The following GALNT13 variants were observed in gnomAD, a reference collection of about 807,000 sequenced individuals.
GALNT13 encodes the protein polypeptide N-acetylgalactosaminyltransferase 13.
A neutral mutation model predicts 64.2 loss-of-function variants in GALNT13; 28 were observed. The ratio of observed to expected loss-of-function variants is 0.44; its 90% confidence interval spans 0.32 to 0.60. The LOEUF (loss-of-function observed/expected upper bound fraction) is 0.60, where lower values mean the gene tolerates loss of function less well. Ranked by LOEUF, GALNT13 falls within the 20% of genes least tolerant of loss-of-function variation. The pLI, the probability that GALNT13 is intolerant of heterozygous loss-of-function variation, is 0.05. For synonymous variants in GALNT13, 214 were observed against 224.6 expected (o/e 0.95, Z 0.42); for missense variants, 577 against 669.8 (o/e 0.86, Z 1.53).
chr2:153,547,994 TC>T, the GALNT13 span, among the ~76,000 whole-genome samples: 1 of 152,214 alleles, frequency 6.6e-6, no homozygotes, highest in African/African-American at 2.4e-5. Flanking sequence ...GTAGTTGACA[TC>T]CAATAATTGC....
the GALNT13 span, among the ~76,000 whole-genome samples, chr2:153,205,417 T>G: frequency 1.8e-4 from 27 of 152,216 alleles, no homozygotes; most frequent in African/African-American, 6.3e-4. Context: ...TAAACCAAAG[T>G]TACAAAATCA....
At chr2:154,287,254 C>A in intron 8 of GALNT13, 6 of 895,282 alleles carry the variant, frequency 6.7e-6, no homozygotes, top group Non-Finnish European at 1.1e-5. Flanking sequence ...TCTTTGCCGA[C>A]GGCAACTCCA....
At chr2:153,072,238 C>T in the GALNT13 span, among the ~76,000 whole-genome samples, 6 of 152,080 alleles carry the variant, frequency 3.9e-5, no homozygotes. Context: ...GTGTAAGGGC[C>T]AAAATAACTC....
At chr2:153,409,637 G>A in the GALNT13 span, among the ~76,000 whole-genome samples, 1 of 151,976 alleles carries the variant, frequency 6.6e-6, no homozygotes, top group South Asian at 2.1e-4. Context: ...TAATCAGACA[G>A]CAAGAAGAAT....
the GALNT13 span, among the ~76,000 whole-genome samples, chr2:153,356,789 CT>C: frequency 3.3e-3 from 346 of 104,884 alleles, 59 homozygotes; most frequent in African/African-American, 0.011. Context: ...TCTTCTTCCT[CT>C]TTTTTTTTTT....
chr2:153,889,824 C>T (rs1252330708), intron 1 of GALNT13, among the ~76,000 whole-genome samples: 2 of 151,982 alleles, frequency 1.3e-5, no homozygotes, highest in African/African-American at 4.8e-5. Context: ...CAAGATCAGG[C>T]ACTTCCAATT....
At chr2:153,859,965 T>C in the GALNT13 span, among the ~76,000 whole-genome samples, 32 of 152,298 alleles carry the variant, frequency 2.1e-4, no homozygotes, top group Middle Eastern at 6.8e-3. Flanking sequence ...GGTTCCTCTT[T>C]TCATTGGTAC....
chr2:154,336,819 T>A (rs1002233956), intron 9 of GALNT13, among the ~76,000 whole-genome samples: 1 of 152,080 alleles, frequency 6.6e-6, no homozygotes, highest in Non-Finnish European at 1.5e-5. Context: ...AACTTAGCAC[T>A]CTCTCTGCAG....
At chr2:154,144,144 T>G (rs908259325) in intron 4 of GALNT13, among the ~76,000 whole-genome samples, 5 of 152,146 alleles carry the variant, frequency 3.3e-5, no homozygotes, top group Non-Finnish European at 5.9e-5. Context: ...AACTACAGTA[T>G]ATGTTATAAG....
At chr2:153,738,777 G>A in the GALNT13 span, among the ~76,000 whole-genome samples, 1 of 151,822 alleles carries the variant, frequency 6.6e-6, no homozygotes, top group Non-Finnish European at 1.5e-5. Flanking sequence ...TCCTATACAT[G>A]TTATAATAAA....
chr2:153,465,903 A>C, the GALNT13 span, among the ~76,000 whole-genome samples: 2 of 152,184 alleles, frequency 1.3e-5, no homozygotes, highest in East Asian at 3.9e-4. Context: ...TTGCTACTTC[A>C]GTAACGGCCA....
chr2:153,268,902 C>G, the GALNT13 span, among the ~76,000 whole-genome samples: 3 of 152,168 alleles, frequency 2.0e-5, no homozygotes, highest in African/African-American at 7.2e-5. Context: ...ACCCAAGGCA[C>G]CAGTCCTGAG....
chr2:153,142,567 GA>G, the GALNT13 span, among the ~76,000 whole-genome samples: 1 of 151,822 alleles, frequency 6.6e-6, no homozygotes, highest in Non-Finnish European at 1.5e-5. Context: ...CCCAATTTTA[GA>G]AAAATGAGAG....
At chr2:153,606,094 C>G in the GALNT13 span, among the ~76,000 whole-genome samples, 1 of 152,176 alleles carries the variant, frequency 6.6e-6, no homozygotes, top group Non-Finnish European at 1.5e-5. Flanking sequence ...GAATTTCATG[C>G]AAGAGCAGCA....
In GALNT13 at chr2:154,146,301, G is replaced by C. The variant is rs149176144; in HGVS notation, c.311+5796G>C. 5.0e-3 allele frequency among the ~76,000 whole-genome samples: 765 copies of C among 151,806 alleles called. 5 individuals are homozygous for C. Among genetic ancestry groups the C allele is most frequent in the African/African-American group, 0.018 (744 of 41,420 alleles). Reference sequence around the variant, plus strand: ...AAGAAAGTAGAGTAACACATGTCTAGGCATGTTCTCAGAGACACATTTAAG... The same window carrying C: ...AAGAAAGTAGAGTAACACATGTCTACGCATGTTCTCAGAGACACATTTAAG... On this transcript the variant is annotated intron_variant, in intron 4 of 12. Transcript: ENST00000392825.
At chr2:153,214,024 AAG>A in the GALNT13 span, among the ~76,000 whole-genome samples, 1 of 152,216 alleles carries the variant, frequency 6.6e-6, no homozygotes, top group Non-Finnish European at 1.5e-5. Flanking sequence ...GTTTTCTAGT[AAG>A]AGAAGGCCAC....
At chr2:154,229,752 G>A (rs1193171166) in intron 4 of GALNT13, among the ~76,000 whole-genome samples, 1 of 152,064 alleles carries the variant, frequency 6.6e-6, no homozygotes, top group Non-Finnish European at 1.5e-5. Context: ...AAAAGCATGA[G>A]AGGGCTTTGT....
the GALNT13 span, among the ~76,000 whole-genome samples, chr2:153,160,212 G>A: frequency 2.2e-4 from 34 of 152,256 alleles, no homozygotes; most frequent in African/African-American, 7.5e-4. Context: ...TGCAATGACT[G>A]TATTTAATAA....
At chr2:153,686,373 G>A in the GALNT13 span, among the ~76,000 whole-genome samples, 20 of 151,892 alleles carry the variant, frequency 1.3e-4, no homozygotes, top group Non-Finnish European at 1.5e-5. Flanking sequence ...TCCCTAGTTA[G>A]CTGTATTCCT....
Sources: allele counts gnomAD v4.1 joint callset (sites outside exome capture counted in the v4.1 genomes callset), GRCh38; gene constraint gnomAD v4.1.1; transcripts MANE v1.5; gene names NCBI Gene and HGNC (gene_info 2026-07-23, HGNC 2026-07-21).